Variants in NBEA observed in about 807,000 individuals in gnomAD.
NBEA encodes the protein lysosomal-trafficking regulator 2.
NBEA carries 44 observed loss-of-function variants against 343.4 expected under a neutral mutation model. The observed-to-expected ratio is 0.13, with a 90% CI of 0.10 to 0.16. The LOEUF (loss-of-function observed/expected upper bound fraction) is 0.16. Ranked by LOEUF, NBEA falls within the 10% of genes least tolerant of loss-of-function variation. NBEA has a pLI of 1.00. For missense variants in NBEA, 2,555 were observed against 3,631.3 expected, an observed-to-expected ratio of 0.70 and a Z score of 7.62; for synonymous variants, 1,175 against 1,238.7, an observed-to-expected ratio of 0.95 and a Z score of 1.08.
Position 35,161,898 on chromosome 13 carries a change from C to T in NBEA, c.4010C>T (p.Ser1337Phe). Residue 1337 changes from serine to phenylalanine, a missense_variant, in exon 23 of 59, where the codon TCT (serine) becomes TTT (phenylalanine). Ser to Phe is a radical substitution (Grantham distance 155). This residue lies in a region of NBEA where 69 missense variants were observed against 128.8 expected (regional missense o/e 0.54). Coordinates refer to ENST00000379939, the MANE Select transcript of NBEA (RefSeq NM_001385012.1). Reference protein sequence around the residue: ...TMFRIPEFKWSPMHQRLLTDL... With the variant: ...TMFRIPEFKWFPMHQRLLTDL... The stretch of plus-strand genomic sequence containing the variant: ...TTTCGTATTCCTGAGTTTAAATGGT[C>T]TCCAATGCACCAGCGGCTTCTCACT... 6.3e-7 allele frequency: 1 copy of T among 1,579,808 alleles called. No individual in the cohort carries two copies. Among genetic ancestry groups the T allele is most frequent in the East Asian group, 2.3e-5 (1 of 43,020 alleles).
intron 35 of NBEA, among the ~76,000 whole-genome samples, chr13:35,293,197 C>T (rs2035906953): frequency 6.6e-6 from 1 of 151,912 alleles, no homozygotes; most frequent in South Asian, 2.1e-4. Context: ...TAATTCAGTT[C>T]ATATGGGCAA....
intron 47 of NBEA, among the ~76,000 whole-genome samples, chr13:35,604,386 CA>C (rs1384062119): frequency 2.0e-5 from 3 of 152,092 alleles, no homozygotes; most frequent in Non-Finnish European, 4.4e-5. Flanking sequence ...TGTTGATACA[CA>C]TTTGGCCCCT....
chr13:35,618,467 A>T (rs2153058682), intron 48 of NBEA, among the ~76,000 whole-genome samples: 1 of 152,342 alleles, frequency 6.6e-6, no homozygotes, highest in East Asian at 1.9e-4. Context: ...AGTTATGGAC[A>T]ATAACATGTA....
chr13:35,498,815 C>A (rs541303645), intron 41 of NBEA, among the ~76,000 whole-genome samples: 1 of 152,128 alleles, frequency 6.6e-6, no homozygotes, highest in African/African-American at 2.4e-5. Flanking sequence ...GCTAAATGCT[C>A]CATTAATTTT....
intron 37 of NBEA, among the ~76,000 whole-genome samples, chr13:35,350,149 C>A (rs1007704276): frequency 6.6e-6 from 1 of 152,086 alleles, no homozygotes; most frequent in Non-Finnish European, 1.5e-5. Flanking sequence ...AGTTTTGAGT[C>A]TCTTGTATTT....
At chr13:35,517,873 T>A (rs958124785) in intron 41 of NBEA, among the ~76,000 whole-genome samples, 15 of 152,232 alleles carry the variant, frequency 9.9e-5, no homozygotes, top group Admixed American at 9.8e-4. Context: ...TACAAGATAC[T>A]TAATAAATAT....
intron 36 of NBEA, among the ~76,000 whole-genome samples, chr13:35,338,616 C>T (rs964580114): frequency 1.3e-5 from 2 of 151,942 alleles, no homozygotes; most frequent in Admixed American, 6.6e-5. Context: ...TTTTATGAGG[C>T]GAGTATTACC....
chr13:35,393,860 T>C (rs2042618213), intron 38 of NBEA, among the ~76,000 whole-genome samples: 1 of 152,110 alleles, frequency 6.6e-6, no homozygotes, highest in Non-Finnish European at 1.5e-5. Flanking sequence ...ATGTACCTTA[T>C]TAGAGAAGTT....
intron 30 of NBEA, among the ~76,000 whole-genome samples, chr13:35,187,804 G>A (rs1428962002): frequency 6.6e-6 from 1 of 151,972 alleles, no homozygotes; most frequent in East Asian, 1.9e-4. Flanking sequence ...TATTGACTAC[G>A]TTTCCAACTT....
intron 34 of NBEA, among the ~76,000 whole-genome samples, chr13:35,281,991 C>G (rs2035083345): frequency 6.6e-6 from 1 of 152,040 alleles, no homozygotes; most frequent in Admixed American, 6.6e-5. Context: ...TGGCCCACTG[C>G]AAGCTCCACC....
At chr13:35,361,354 CAT>C (rs1167830721) in intron 38 of NBEA, among the ~76,000 whole-genome samples, 2 of 151,974 alleles carry the variant, frequency 1.3e-5, no homozygotes, top group African/African-American at 4.8e-5. Flanking sequence ...GGAACAAAAA[CAT>C]AGAACTTGGG....
rs148479543 is a variant in NBEA at position 35,120,472 on chromosome 13, TTAGA to T, written c.2243+2003_2243+2006del. ...ATAAAAGATGAAAAAAATAGGCTTA[TTAGA>T]TAGAAAATATTGAAAGTGGCTAACG... is the stretch of plus-strand genomic sequence containing the variant. On this transcript the variant is annotated intron_variant, in intron 16 of 58. Transcript: ENST00000379939. Among the ~76,000 whole-genome samples, 405 of 152,298 alleles carry T rather than the reference TTAGA, an allele frequency of 2.7e-3. 2 individuals are homozygous for T. Among genetic ancestry groups the T allele is most frequent in the African/African-American group, 9.2e-3 (381 of 41,562 alleles).
rs550857912 is a variant in NBEA, at chr13:35,222,417, C to A, written c.5649-10075C>A. 1.1e-3 allele frequency among the ~76,000 whole-genome samples: 171 copies of A among 152,086 alleles called. 1 individual carries two copies. Among genetic ancestry groups the A allele is most frequent in the Admixed American group, 7.4e-3 (113 of 15,254 alleles). On this transcript the variant is annotated intron_variant, in intron 33 of 58. Transcript: ENST00000379939. Reference sequence around the variant, plus strand: ...TTTTATATTTTAATTGGTATTTCTACATCATTTGCATTCAGTATAATCACT... The same window carrying A: ...TTTTATATTTTAATTGGTATTTCTAAATCATTTGCATTCAGTATAATCACT...
chr13:35,360,471 A>G (rs1328391358), intron 38 of NBEA, among the ~76,000 whole-genome samples: 2 of 152,184 alleles, frequency 1.3e-5, no homozygotes, highest in Non-Finnish European at 1.5e-5. Context: ...ATACAATCCA[A>G]AACTACTCAA....
At chr13:35,626,675 A>C (rs540168182) in intron 48 of NBEA, among the ~76,000 whole-genome samples, 214 of 152,274 alleles carry the variant, frequency 1.4e-3, no homozygotes, top group Non-Finnish European at 2.7e-3. Context: ...TTAGACTGAC[A>C]TTTTTTCTTA....
intron 38 of NBEA, among the ~76,000 whole-genome samples, chr13:35,423,092 G>A (rs1326231563): frequency 6.6e-6 from 1 of 152,082 alleles, no homozygotes; most frequent in African/African-American, 2.4e-5. Context: ...CTCCCATTCT[G>A]TAGGTTGTCT....
Position 35,048,577 on chromosome 13 carries a change from T to C in NBEA, c.738T>C (p.Pro246=), listed in dbSNP as rs764086781. The C allele has an allele frequency of 6.2e-7, 1 of 1,607,882 alleles. No individual in the cohort carries two copies. Among genetic ancestry groups the C allele is most frequent in the South Asian group, 1.1e-5 (1 of 90,388 alleles). The part of the protein sequence containing the change: ...PGCSAAAIAL[P]PIAKWPYQNG... The stretch of plus-strand genomic sequence containing the variant: ...TTGCCTTGTAGGCAATTGCCTTGCC[T>C]CCTATTGCAAAGTGGCCTTATCAGA... The change falls in exon 5 of 59, where the codon CCT becomes CCC. Residue 246 remains proline (P), a synonymous_variant. Coordinates refer to ENST00000379939, the MANE Select transcript of NBEA (RefSeq NM_001385012.1).
chr13:35,510,726 C>G (rs2077244749), intron 41 of NBEA, among the ~76,000 whole-genome samples: 1 of 152,142 alleles, frequency 6.6e-6, no homozygotes, highest in Admixed American at 6.5e-5. Flanking sequence ...AAACATTATG[C>G]TAGAAACTTT....
chr13:35,162,455 G>A (rs746012255), intron 23 of NBEA, among the ~76,000 whole-genome samples: 8 of 151,990 alleles, frequency 5.3e-5, no homozygotes, highest in African/African-American at 9.7e-5. Context: ...TTTCCTTTTA[G>A]GATTCAAGGT....
Sources: allele counts gnomAD v4.1 joint callset (sites outside exome capture counted in the v4.1 genomes callset), GRCh38; gene constraint gnomAD v4.1.1; regional missense constraint gnomAD v4.1.1; transcripts MANE v1.5; gene names NCBI Gene and HGNC (gene_info 2026-07-23, HGNC 2026-07-21).